Variants in LIN28B observed in about 807,000 individuals in gnomAD.
LIN28B encodes the protein lin-28 RNA binding posttranscriptional regulator B.
In LIN28B, 5 loss-of-function variants were observed where a neutral mutation model predicts 21.9. The ratio of observed to expected loss-of-function variants is 0.23; its 90% confidence interval spans 0.12 to 0.48. The LOEUF (loss-of-function observed/expected upper bound fraction) is 0.48. LIN28B is among the 20% of genes least tolerant of loss of function. LIN28B has a pLI of 0.98. For missense variants in LIN28B, 245 were observed against 310.5 expected, an observed-to-expected ratio of 0.79 and a Z score of 1.58; for synonymous variants, 109 against 111.3, an observed-to-expected ratio of 0.98 and a Z score of 0.13.
intron 2 of LIN28B, among the ~76,000 whole-genome samples, chr6:104,962,796 A>G (rs1029158104): frequency 6.6e-6 from 1 of 152,188 alleles, no homozygotes; most frequent in Non-Finnish European, 1.5e-5. Flanking sequence ...TTTCACATGA[A>G]GAATATGTGT....
intron 3 of LIN28B, among the ~76,000 whole-genome samples, chr6:105,035,058 C>T (rs928454480): frequency 6.6e-6 from 1 of 151,748 alleles, no homozygotes; most frequent in African/African-American, 2.4e-5. Context: ...TATAATTTGA[C>T]ATTTTTCCAG....
At chr6:105,068,494 T>C (rs958832988) in intron 3 of LIN28B, among the ~76,000 whole-genome samples, 4 of 152,188 alleles carry the variant, frequency 2.6e-5, no homozygotes, top group Admixed American at 6.5e-5. Context: ...AGGGGAGACA[T>C]AGAGTATTCA....
At chr6:104,996,926 G>T (rs1037197490) in intron 2 of LIN28B, among the ~76,000 whole-genome samples, 1 of 152,174 alleles carries the variant, frequency 6.6e-6, no homozygotes, top group Non-Finnish European at 1.5e-5. Context: ...TTGAGGCTGC[G>T]TGAGCTAGGA....
At chr6:105,023,289 ATATATATATTTATATATAATTATAT>A (rs1280592546) in intron 2 of LIN28B, among the ~76,000 whole-genome samples, 563 of 30,644 alleles carry the variant, frequency 0.018, 93 homozygotes, top group Non-Finnish European at 0.024. Context: ...TATATAAATA[ATATATATATTTATATATAATTATAT>A]TATATATAAT....
chr6:104,950,686 G>A (rs897939544), intron 3 of LIN28B, among the ~76,000 whole-genome samples: 4 of 151,936 alleles, frequency 2.6e-5, no homozygotes, highest in Non-Finnish European at 1.5e-5. Flanking sequence ...TAAAAAACTG[G>A]TGTTCCCATA....
Position 105,078,610 on chromosome 6 carries a change from G to C in LIN28B, c.580G>C (p.Glu194Gln). Residue 194 changes from glutamate (E) to glutamine (Q), a missense_variant, in exon 4 of 4, where the codon GAA (glutamate) becomes CAA (glutamine). Physicochemically the swap from Glu to Gln is conservative, Grantham distance 29 (BLOSUM62 2). Coordinates refer to ENST00000345080, the MANE Select transcript of LIN28B (RefSeq NM_001004317.4). Reference protein sequence around the residue: ...SQPCTSTLPREVGGGHGCTSP... With the variant: ...SQPCTSTLPRQVGGGHGCTSP... ...GCCATGCACTTCAACTCTCCCTCGA[G>C]AAGTGGGAGGCGGGCATGGCTGTAC... The C allele has an allele frequency of 6.2e-7, 1 of 1,614,152 alleles. No individual in the cohort carries two copies. The highest frequency in any genetic ancestry group is 1.3e-5 in the African/African-American group (1 of 75,056).
intron 2 of LIN28B, among the ~76,000 whole-genome samples, chr6:104,939,773 C>T (rs999662888): frequency 1.4e-4 from 21 of 152,230 alleles, no homozygotes; most frequent in Non-Finnish European, 1.0e-4. Context: ...AATATTTAAT[C>T]CCTTTAGTCA....
chr6:105,001,375 T>C (rs1770716868), intron 2 of LIN28B, among the ~76,000 whole-genome samples: 1 of 152,216 alleles, frequency 6.6e-6, no homozygotes, highest in Non-Finnish European at 1.5e-5. Context: ...TTATTTATGA[T>C]GGTAACTAAC....
chr6:105,044,579 A>C (rs1007889216), intron 3 of LIN28B, among the ~76,000 whole-genome samples: 1 of 152,208 alleles, frequency 6.6e-6, no homozygotes, highest in Non-Finnish European at 1.5e-5. Flanking sequence ...AGAAATTTCA[A>C]TTCCCACAAT....
intron 3 of LIN28B, among the ~76,000 whole-genome samples, chr6:105,076,609 T>G (rs949324972): frequency 1.3e-5 from 2 of 152,234 alleles, no homozygotes; most frequent in Non-Finnish European, 1.5e-5. Flanking sequence ...GTTAACACTT[T>G]TTTTGTTGTT....
chr6:104,979,282 T>C (rs1770169295), intron 2 of LIN28B, among the ~76,000 whole-genome samples: 1 of 151,994 alleles, frequency 6.6e-6, no homozygotes, highest in African/African-American at 2.4e-5. Context: ...CAGTCTTGGC[T>C]CACTGCAACC....
At chr6:105,058,251 C>T (rs1314423128) in intron 3 of LIN28B, 1 of 176,894 alleles carries the variant, frequency 5.7e-6, no homozygotes, top group Admixed American at 6.5e-5. Flanking sequence ...TATCAGTTCT[C>T]AAGGGGGAGA....
chr6:105,005,817 G>T lies in LIN28B; in HGVS notation c.199-20481G>T, dbSNP rs181882074. 5.3e-5 allele frequency among the ~76,000 whole-genome samples: 8 copies of T among 152,246 alleles called. No individual in the cohort carries two copies. The East Asian group carries it at 1.3e-3, about 26-fold the overall frequency. On this transcript the variant is annotated intron_variant, in intron 2 of 3. Coordinates refer to ENST00000345080, the MANE Select transcript of LIN28B (RefSeq NM_001004317.4). ...GAGAATGGACTAATACACTGTCATT[G>T]TTCTTCATTTTTTCTGTGTTCTTTT... is the stretch of plus-strand genomic sequence containing the variant.
At position 105,079,490 on chromosome 6, in the gene LIN28B, A is replaced by T. The variant is rs1460922833; in HGVS notation, c.*707A>T. 1 of 152,648 alleles carries T rather than the reference A, an allele frequency of 6.6e-6. No homozygotes were observed. The highest frequency in any genetic ancestry group is 2.4e-5 in the African/African-American group (1 of 41,454). 9.5% of individuals were successfully genotyped at this position (152,648 alleles called of 1,614,324 possible). ...GATTCTGGGATAACATAACTCCAGA[A>T]AAGACAATGAATGTGTAATTTGGGC... is the stretch of plus-strand genomic sequence containing the variant. On this transcript the variant is annotated 3_prime_UTR_variant, in exon 4 of 4. Coordinates refer to ENST00000345080, the MANE Select transcript of LIN28B (RefSeq NM_001004317.4).
chr6:105,029,230 G>A (rs1771366320), intron 3 of LIN28B, among the ~76,000 whole-genome samples: 1 of 152,120 alleles, frequency 6.6e-6, no homozygotes. Flanking sequence ...ATAAATGGGA[G>A]GAAAGAAACA....
At chr6:104,945,207 A>G (rs546174472) in intron 2 of LIN28B, among the ~76,000 whole-genome samples, 1 of 152,100 alleles carries the variant, frequency 6.6e-6, no homozygotes, top group African/African-American at 2.4e-5. Context: ...TTAGTCTGTT[A>G]TAATCTCCTC....
chr6:105,010,173 T>A (rs1040267306), intron 2 of LIN28B, among the ~76,000 whole-genome samples: 66 of 151,198 alleles, frequency 4.4e-4, no homozygotes, highest in African/African-American at 1.5e-3. Flanking sequence ...CTGGGCAACA[T>A]GACGAAACCC....
intron 3 of LIN28B, among the ~76,000 whole-genome samples, chr6:105,049,033 C>T (rs907172909): frequency 6.6e-6 from 1 of 152,104 alleles, no homozygotes; most frequent in Admixed American, 6.5e-5. Flanking sequence ...CTGCTCTGAT[C>T]TTAGTTATTT....
rs141674555 is a variant in LIN28B at position 104,966,882 on chromosome 6, A to G, written c.198+8596A>G. Reference sequence around the variant, plus strand: ...GTGATCCGCCCACTTCGGCCTCCCAAAGTGCTGGGATTACAGGCGTGAGCC... The same window carrying G: ...GTGATCCGCCCACTTCGGCCTCCCAGAGTGCTGGGATTACAGGCGTGAGCC... On this transcript the variant is annotated intron_variant, in intron 2 of 3. Transcript: ENST00000345080. Among the ~76,000 whole-genome samples, 1,076 of 152,046 alleles carry G rather than the reference A, an allele frequency of 7.1e-3. 11 individuals carry two copies. The highest frequency in any genetic ancestry group is 0.024 in the African/African-American group (995 of 41,492).
Sources: allele counts gnomAD v4.1 joint callset (sites outside exome capture counted in the v4.1 genomes callset), GRCh38; gene constraint gnomAD v4.1.1; transcripts MANE v1.5; gene names NCBI Gene and HGNC (gene_info 2026-07-23, HGNC 2026-07-21).